Variants in CAMK4 observed in about 807,000 individuals in gnomAD.
CAMK4 encodes calcium/calmodulin dependent protein kinase IV, also known as calcium/calmodulin-dependent protein kinase type IV.
Under a neutral mutation model 44.9 loss-of-function variants are expected in CAMK4, and 22 were observed. The observed-to-expected ratio is 0.49, with a 90% CI of 0.35 to 0.70. The LOEUF (loss-of-function observed/expected upper bound fraction) is 0.70. CAMK4 is among the 30% of genes least tolerant of loss of function. The pLI, the probability that CAMK4 is intolerant of heterozygous loss-of-function variation, is 0.01. For synonymous variants in CAMK4, 218 were observed against 215.4 expected (o/e 1.01, Z -0.11); for missense variants, 498 against 586.8 (o/e 0.85, Z 1.56).
intron 1 of CAMK4, among the ~76,000 whole-genome samples, chr5:111,289,436 C>A (rs971091119): frequency 6.6e-6 from 1 of 152,158 alleles, no homozygotes; most frequent in Admixed American, 6.5e-5. Flanking sequence ...TATAAGATAT[C>A]CTCCTCACCA....
chr5:111,296,739 C>T (rs1296063500), intron 1 of CAMK4, among the ~76,000 whole-genome samples: 1 of 152,160 alleles, frequency 6.6e-6, no homozygotes, highest in Non-Finnish European at 1.5e-5. Context: ...TTATCAGCTT[C>T]ATGAGGATAC....
At chr5:111,461,550 C>G (rs917791806) in intron 7 of CAMK4, among the ~76,000 whole-genome samples, 1 of 152,188 alleles carries the variant, frequency 6.6e-6, no homozygotes, top group African/African-American at 2.4e-5. Context: ...ACTGTGGGCA[C>G]TGCTGCCGCC....
At position 111,287,456 on chromosome 5, in the gene CAMK4, A is replaced by G. The variant is rs185662429; in HGVS notation, c.162-56568A>G. On this transcript the variant is annotated intron_variant, in intron 1 of 10. Coordinates refer to ENST00000282356, the MANE Select transcript of CAMK4 (RefSeq NM_001744.6). ...CATAGTTTATATGAAATCTTGAAAA[A>G]TTTAGATTTCATTTATTCTGTCTTG... Among the ~76,000 whole-genome samples the G allele has an allele frequency of 1.4e-3, 211 of 152,356 alleles. 2 individuals carry two copies. Among genetic ancestry groups the G allele is most frequent in the Non-Finnish European group, 3.1e-4 (21 of 68,030 alleles).
At chr5:111,481,851 A>G (rs1371196480) in intron 9 of CAMK4, 2 of 152,246 alleles carry the variant, frequency 1.3e-5, no homozygotes, top group African/African-American at 2.4e-5. Flanking sequence ...AAAAGATTAC[A>G]TGAGTTTTTA....
intron 7 of CAMK4, among the ~76,000 whole-genome samples, chr5:111,470,145 C>A (rs867935145): frequency 6.6e-6 from 1 of 152,224 alleles, no homozygotes; most frequent in Non-Finnish European, 1.5e-5. Context: ...GCAGCATAAT[C>A]TGAGTTCCCC....
intron 1 of CAMK4, among the ~76,000 whole-genome samples, chr5:111,230,305 C>T (rs1277337960): frequency 1.3e-5 from 2 of 152,160 alleles, no homozygotes; most frequent in Admixed American, 1.3e-4. Flanking sequence ...GAAAGGGATT[C>T]AGTTTCACCT....
intron 8 of CAMK4, among the ~76,000 whole-genome samples, chr5:111,477,781 T>C (rs1226020549): frequency 1.3e-5 from 2 of 152,202 alleles, no homozygotes; most frequent in African/African-American, 2.4e-5. Context: ...CTGACAATAG[T>C]TTCAGCTTCT....
chr5:111,318,124 G>T (rs1189092156), intron 1 of CAMK4, among the ~76,000 whole-genome samples: 1 of 152,112 alleles, frequency 6.6e-6, no homozygotes, highest in Non-Finnish European at 1.5e-5. Context: ...TTGGTTTGTG[G>T]AAGTGTATTA....
chr5:111,376,976 G>A (rs547157334), intron 4 of CAMK4, 34 bp downstream of exon 4: 1 of 1,413,478 alleles, frequency 7.1e-7, no homozygotes, highest in Non-Finnish European at 9.8e-7. Context: ...CCACAGAAAG[G>A]TTTGCTTTTG....
intron 2 of CAMK4, among the ~76,000 whole-genome samples, chr5:111,344,435 C>CACAT (rs367570144): frequency 0.27 from 38,988 of 146,354 alleles, 5,949 homozygotes; most frequent in South Asian, 0.43. Flanking sequence ...CACACACATA[C>CACAT]ACACACACAC....
chr5:111,429,848 C>G (rs1272741153), intron 5 of CAMK4, among the ~76,000 whole-genome samples: 1 of 140,114 alleles, frequency 7.1e-6, no homozygotes, highest in Admixed American at 7.3e-5. Context: ...AAGCCCAGGA[C>G]CTAATGGCTT....
chr5:111,225,937 A>G (rs1178025394), intron 1 of CAMK4, among the ~76,000 whole-genome samples: 1 of 152,232 alleles, frequency 6.6e-6, no homozygotes, highest in Non-Finnish European at 1.5e-5. Flanking sequence ...GATCTATTAT[A>G]TATATAGGTG....
At chr5:111,417,333 C>T (rs1752851624) in intron 5 of CAMK4, among the ~76,000 whole-genome samples, 1 of 151,892 alleles carries the variant, frequency 6.6e-6, no homozygotes, top group Non-Finnish European at 1.5e-5. Flanking sequence ...TCTAGTGCCT[C>T]AGCCTCCCAA....
chr5:111,301,179 G>C (rs761593505), intron 1 of CAMK4, among the ~76,000 whole-genome samples: 1 of 151,504 alleles, frequency 6.6e-6, no homozygotes, highest in Non-Finnish European at 1.5e-5. Flanking sequence ...AATGTGATTT[G>C]CTTCTATATA....
At chr5:111,470,208 T>TG (rs1464391599) in intron 7 of CAMK4, among the ~76,000 whole-genome samples, 2 of 152,236 alleles carry the variant, frequency 1.3e-5, no homozygotes, top group African/African-American at 4.8e-5. Flanking sequence ...ACACTTTCTG[T>TG]GGGGTACAGA....
At chr5:111,469,444 A>G (rs944527426) in intron 7 of CAMK4, among the ~76,000 whole-genome samples, 4 of 152,104 alleles carry the variant, frequency 2.6e-5, no homozygotes, top group African/African-American at 9.7e-5. Context: ...AAAGAAATAA[A>G]TTGCCTTTGG....
chr5:111,243,633 T>A (rs150826583), intron 1 of CAMK4, among the ~76,000 whole-genome samples: 2,174 of 152,304 alleles, frequency 0.014, 16 homozygotes, highest in Non-Finnish European at 0.021. Flanking sequence ...CCAATTTCCC[T>A]CTCTGCCAAT....
In CAMK4 at chr5:111,490,034, C is replaced by G. The variant is rs1016302261; in HGVS notation, c.*5568C>G. On this transcript the variant is annotated 3_prime_UTR_variant, in exon 11 of 11. Coordinates refer to ENST00000282356, the MANE Select transcript of CAMK4 (RefSeq NM_001744.6). ...TTTTCAGCTCATTTTGAAGATTGAC[C>G]TGGAAAACATATAGATACAGAATAT... is the stretch of plus-strand genomic sequence containing the variant. The G allele has an allele frequency of 3.0e-4, 45 of 152,260 alleles. 1 individual carries two copies. Among genetic ancestry groups the G allele is most frequent in the African/African-American group, 9.6e-4 (40 of 41,552 alleles). 9.4% of individuals were successfully genotyped at this position (152,260 alleles called of 1,614,324 possible).
chr5:111,262,829 A>G (rs1750048889), intron 1 of CAMK4, among the ~76,000 whole-genome samples: 1 of 152,226 alleles, frequency 6.6e-6, no homozygotes, highest in Admixed American at 6.5e-5. Flanking sequence ...ACACTTCAAA[A>G]TAAATGCTTT....
Sources: gnomAD v4.1 joint callset for allele counts (sites outside exome capture counted in the v4.1 genomes callset) on GRCh38, gnomAD v4.1.1 for gene constraint, MANE v1.5 for transcripts, NCBI Gene and HGNC (gene_info 2026-07-23, HGNC 2026-07-21) for gene names.